CDIN1: variants seen among roughly 807,000 people sequenced by gnomAD.
CDIN1 encodes CDAN1 interacting nuclease 1.
In CDIN1, 33 loss-of-function variants were observed where a neutral mutation model predicts 45.3. The observed-to-expected ratio is 0.73, with a 90% CI of 0.55 to 0.97. The LOEUF is 0.97. Ranked by LOEUF, CDIN1 falls within the 50% of genes least tolerant of loss-of-function variation. CDIN1 has a pLI of 0.00. For synonymous variants in CDIN1, 118 were observed against 124.4 expected (o/e 0.95, Z 0.34); for missense variants, 303 against 339.4 (o/e 0.89, Z 0.84).
intron 5 of CDIN1, among the ~76,000 whole-genome samples, chr15:36,688,742 G>A (rs554235154): frequency 2.6e-5 from 4 of 152,266 alleles, no homozygotes; most frequent in South Asian, 2.1e-4. Flanking sequence ...TTGTCCAGTC[G>A]CATTTACTTA....
At chr15:36,782,490 T>C (rs2054378090) in intron 10 of CDIN1, among the ~76,000 whole-genome samples, 1 of 152,174 alleles carries the variant, frequency 6.6e-6, no homozygotes, top group Non-Finnish European at 1.5e-5. Context: ...TGCAAAATGG[T>C]GATGGCATTT....
chr15:36,760,536 A>G (rs2053731565), intron 10 of CDIN1, among the ~76,000 whole-genome samples: 1 of 152,142 alleles, frequency 6.6e-6, no homozygotes, highest in Non-Finnish European at 1.5e-5. Flanking sequence ...ATTCATCTCT[A>G]AAGTTATTTT....
intron 1 of CDIN1, among the ~76,000 whole-genome samples, chr15:36,623,063 A>AT (rs917385981): frequency 1.1e-4 from 16 of 152,070 alleles, no homozygotes; most frequent in African/African-American, 3.9e-4. Context: ...AAAATTTTGC[A>AT]TTTTTTTAGG....
In CDIN1 at chr15:36,579,924, AG is replaced by A; in HGVS notation, c.66del (p.Arg22SerfsTer4). ...AQCLVSVPPT[R>X]QSLRKLKQRF... ...GTGCCTAGTGTCTGTGCCGCCTACC[AG>A]GCAGAGCCTGAGGAAGCTGAAGCAG... On this transcript the variant is annotated frameshift_variant, in exon 1 of 11. Transcript: ENST00000566621. LOFTEE classifies it high-confidence loss of function. The A allele has an allele frequency of 6.2e-7, 1 of 1,613,940 alleles. No homozygotes were observed. The highest frequency in any genetic ancestry group is 8.5e-7 in the Non-Finnish European group (1 of 1,179,874).
At chr15:36,749,925 C>T (rs2053413746) in intron 10 of CDIN1, among the ~76,000 whole-genome samples, 1 of 152,316 alleles carries the variant, frequency 6.6e-6, no homozygotes, top group East Asian at 1.9e-4. Context: ...TTTTGGCCAC[C>T]TCAGCAGAAT....
At chr15:36,727,043 T>C (rs2043656533) in intron 10 of CDIN1, among the ~76,000 whole-genome samples, 2 of 152,154 alleles carry the variant, frequency 1.3e-5, no homozygotes, top group African/African-American at 4.8e-5. Flanking sequence ...AAATTCTTAG[T>C]AAAATTTCTT....
intron 1 of CDIN1, chr15:36,640,792 T>C (rs1447588310): frequency 9.3e-6 from 3 of 322,694 alleles, no homozygotes; most frequent in Non-Finnish European, 1.3e-5. Flanking sequence ...TGAGGCTCTT[T>C]CATGTTACCG....
At chr15:36,766,359 A>G (rs1382921859) in intron 10 of CDIN1, among the ~76,000 whole-genome samples, 2 of 152,214 alleles carry the variant, frequency 1.3e-5, no homozygotes, top group Non-Finnish European at 2.9e-5. Flanking sequence ...TATTGCTGCC[A>G]TGAACATGGG....
In CDIN1 at chr15:36,668,386, A is replaced by G. The variant is rs573750678; in HGVS notation, c.346+10481A>G. ...CACATAAATAGCTCTGACATAGCTA[A>G]GGCAAATGTTATGATTGCATTTTAT... On this transcript the variant is annotated intron_variant, in intron 5 of 10. Transcript: ENST00000566621. 2.6e-5 allele frequency among the ~76,000 whole-genome samples: 4 copies of G among 152,274 alleles called. No homozygotes were observed. The South Asian group carries it at 8.3e-4, about 32-fold the overall frequency.
intron 1 of CDIN1, among the ~76,000 whole-genome samples, chr15:36,642,834 A>G (rs1312755008): frequency 1.3e-5 from 2 of 152,214 alleles, no homozygotes; most frequent in South Asian, 4.1e-4. Flanking sequence ...ATGGTTAATA[A>G]TATACATGGT....
intron 10 of CDIN1, among the ~76,000 whole-genome samples, chr15:36,719,506 T>C (rs2043334004): frequency 1.3e-5 from 2 of 152,216 alleles, no homozygotes; most frequent in African/African-American, 4.8e-5. Context: ...TTTTATATTT[T>C]GCTGGATTTG....
intron 1 of CDIN1, among the ~76,000 whole-genome samples, chr15:36,607,089 G>A (rs2038412831): frequency 6.6e-6 from 1 of 152,122 alleles, no homozygotes; most frequent in African/African-American, 2.4e-5. Context: ...GGTTGGAAAA[G>A]TACATTGTTA....
At chr15:36,663,017 C>T (rs925409196) in intron 5 of CDIN1, among the ~76,000 whole-genome samples, 3 of 151,978 alleles carry the variant, frequency 2.0e-5, no homozygotes, top group Admixed American at 6.6e-5. Flanking sequence ...GGATGCCCAA[C>T]TTATGATCCT....
At chr15:36,674,584 G>A (rs999407266) in intron 5 of CDIN1, among the ~76,000 whole-genome samples, 2 of 152,124 alleles carry the variant, frequency 1.3e-5, no homozygotes, top group Non-Finnish European at 2.9e-5. Context: ...CAAATGTACA[G>A]TATAAAACTA....
rs1196093498 is a variant in CDIN1 at position 36,654,570 on chromosome 15, A to G, written c.273+412A>G. On this transcript the variant is annotated intron_variant, in intron 4 of 10. Transcript: ENST00000566621. ...AAATGAAGAGAGAAATTGTATACTTAAAGATGTACTTGATTCATTTTTTTG... is the reference window on the plus strand; with the variant it reads ...AAATGAAGAGAGAAATTGTATACTTGAAGATGTACTTGATTCATTTTTTTG... Among the ~76,000 whole-genome samples, 3 of 151,116 alleles carry G rather than the reference A, an allele frequency of 2.0e-5. No individual in the cohort carries two copies. The South Asian group carries it at 6.2e-4, about 31-fold the overall frequency.
chr15:36,741,581 G>A (rs10451006), intron 10 of CDIN1, among the ~76,000 whole-genome samples: 5,536 of 151,922 alleles, frequency 0.036, 354 homozygotes, highest in African/African-American at 0.13. Flanking sequence ...CTTACAGGAC[G>A]GAAATTTATT....
In CDIN1 at chr15:36,721,788, C is replaced by G. The variant is rs147606284; in HGVS notation, c.716+11827C>G. On this transcript the variant is annotated intron_variant, in intron 10 of 10. Coordinates refer to ENST00000566621, the MANE Select transcript of CDIN1 (RefSeq NM_001321759.2). ...CTGGAATTTCTCTCTCTCTCTCTCT[C>G]TGTCTGTCTGTCTGTCTCTGTGGGC... Among the ~76,000 whole-genome samples the G allele has an allele frequency of 1.4e-4, 22 of 151,926 alleles. No individual in the cohort carries two copies. The East Asian group carries it at 3.1e-3, about 21-fold the overall frequency.
chr15:36,704,310 G>C (rs2042785261), intron 8 of CDIN1: 1 of 152,046 alleles, frequency 6.6e-6, no homozygotes, highest in Admixed American at 6.6e-5. Flanking sequence ...GAGGCTTTGG[G>C]GGAAGAGGTT....
At chr15:36,582,385 G>A (rs1459054770) in intron 1 of CDIN1, among the ~76,000 whole-genome samples, 1 of 152,168 alleles carries the variant, frequency 6.6e-6, no homozygotes, top group African/African-American at 2.4e-5. Flanking sequence ...CAAGGGTTGA[G>A]ATTTAATGCA....
Sources: allele counts gnomAD v4.1 joint callset (sites outside exome capture counted in the v4.1 genomes callset), GRCh38; gene constraint gnomAD v4.1.1; transcripts MANE v1.5; gene names NCBI Gene and HGNC (gene_info 2026-07-23, HGNC 2026-07-21).